Variants in PHIP observed in about 807,000 individuals in gnomAD.
PHIP encodes the protein PH-interacting protein.
Under a neutral mutation model 236.8 loss-of-function variants are expected in PHIP, and 54 were observed. The ratio of observed to expected loss-of-function variants is 0.23; its 90% CI spans 0.18 to 0.29. The LOEUF is 0.29. Ranked by LOEUF, PHIP falls within the 10% of genes least tolerant of loss-of-function variation. The pLI is 1.00. For synonymous variants in PHIP, 756 were observed against 718.9 expected, an observed-to-expected ratio of 1.05 and a Z score of -0.83; for missense variants, 1,370 against 2,190.8, an observed-to-expected ratio of 0.63 and a Z score of 7.48.
chr6:78,947,851 G>A, intron 35 of PHIP, 76 bp from the exon 36 acceptor site: 1 of 952,422 alleles, frequency 1.0e-6, no homozygotes, highest in African/African-American at 1.7e-5. Flanking sequence ...GATTCGCACA[G>A]GATTTTTATG....
At position 78,936,622 on chromosome 6, in the gene PHIP, A is replaced by G. The variant is rs1773279738; in HGVS notation, c.*4071T>C. On this transcript the variant is annotated 3_prime_UTR_variant, in exon 40 of 40. Transcript: ENST00000275034. ...CCTGATAATTTTTATCTGCATTAAAAAAGTATTTCAACACAGAGCTATCAA... is the reference window on the plus strand; with the variant it reads ...CCTGATAATTTTTATCTGCATTAAAGAAGTATTTCAACACAGAGCTATCAA... 1 of 151,900 alleles carries G rather than the reference A, an allele frequency of 6.6e-6. No individual in the cohort carries two copies. Among genetic ancestry groups the G allele is most frequent in the Non-Finnish European group, 1.5e-5 (1 of 67,782 alleles). The allele number at this position is 151,900 out of a possible 1,614,324, so 9.4% of individuals were successfully genotyped here.
At chr6:79,039,183 T>C (rs1370877537) in intron 7 of PHIP, among the ~76,000 whole-genome samples, 1 of 152,204 alleles carries the variant, frequency 6.6e-6, no homozygotes, top group African/African-American at 2.4e-5. Context: ...TAGCTCTCCA[T>C]TGCCTTCAGA....
In PHIP at chr6:79,077,478, C is replaced by T; in HGVS notation, c.159G>A (p.Gly53=). The T allele has an allele frequency of 6.4e-7, 1 of 1,573,766 alleles. No homozygotes were observed. Among genetic ancestry groups the T allele is most frequent in the Admixed American group, 1.8e-5 (1 of 56,186 alleles). The change falls in exon 4 of 40, where the codon GGG becomes GGA. Residue 53 remains glycine (G), a synonymous_variant. Transcript: ENST00000275034. The stretch of plus-strand genomic sequence containing the variant: ...TCTGGTAGGTCCTGGGATGCTCCTT[C>T]CCGGTCCAGTCGGTGCGCCGGGGCA... ...ELLPRRTDWT[G]KEHPRTYQNL... is the part of the protein sequence containing the mutation.
chr6:79,054,288 A>G (rs1273623659), intron 6 of PHIP, among the ~76,000 whole-genome samples: 1 of 151,550 alleles, frequency 6.6e-6, no homozygotes, highest in Non-Finnish European at 1.5e-5. Context: ...GGAAAACACT[A>G]AAAAACAAAG....
At chr6:78,970,653 T>C in intron 25 of PHIP, 128 bp downstream of exon 25, 2 of 636,770 alleles carry the variant, frequency 3.1e-6, no homozygotes, top group South Asian at 2.1e-5. Context: ...TCTCTAGGAC[T>C]GCTTCAATTA....
chr6:78,999,366 T>C (rs1463023009), intron 17 of PHIP, among the ~76,000 whole-genome samples: 1 of 152,176 alleles, frequency 6.6e-6, no homozygotes, highest in East Asian at 1.9e-4. Flanking sequence ...ATTTCCTCTG[T>C]GAAATCTTTC....
In PHIP at chr6:78,983,026, C is replaced by T. The variant is rs1461715130; in HGVS notation, c.2629G>A (p.Ala877Thr). 6.2e-7 allele frequency: 1 copy of T among 1,611,854 alleles called. No individual in the cohort carries two copies. The highest frequency in any genetic ancestry group is 8.5e-7 in the Non-Finnish European group (1 of 1,178,946). ...TCTTCTTCATCTGAACTGCTTTCTG[C>T]TTTCTTGGTTTTATTCTTAGGAACT... ...KKVPKNKTKK[A>T]ESSSDEEEES... is the part of the protein sequence containing the mutation. The change falls in exon 23 of 40, where the codon GCA (alanine) becomes ACA (threonine). Residue 877 changes from alanine to threonine, a missense_variant. Ala to Thr is a moderately conservative substitution (Grantham distance 58). Around this residue, in one of 14 missense-constraint regions of PHIP, gnomAD observed 76 missense variants for 76.4 expected, o/e 0.99. Coordinates refer to ENST00000275034, the MANE Select transcript of PHIP (RefSeq NM_017934.7).
chr6:78,953,269 T>C (rs1766176389), intron 35 of PHIP, among the ~76,000 whole-genome samples: 1 of 152,114 alleles, frequency 6.6e-6, no homozygotes, highest in Non-Finnish European at 1.5e-5. Flanking sequence ...ATATTTCTGG[T>C]TTAGGGTTGG....
chr6:78,952,905 G>A (rs1766143216), intron 35 of PHIP, among the ~76,000 whole-genome samples: 1 of 150,914 alleles, frequency 6.6e-6, no homozygotes, highest in South Asian at 2.1e-4. Flanking sequence ...TACAAGGAAT[G>A]TCATCTCTCT....
At chr6:78,944,311 T>C (rs1052137135) in intron 39 of PHIP, among the ~76,000 whole-genome samples, 3 of 152,236 alleles carry the variant, frequency 2.0e-5, no homozygotes, top group Admixed American at 2.0e-4. Flanking sequence ...GGCAAGGAAG[T>C]GTTTTCTCTG....
chr6:79,052,217 A>C (rs1772830445), intron 6 of PHIP, among the ~76,000 whole-genome samples: 1 of 152,220 alleles, frequency 6.6e-6, no homozygotes, highest in African/African-American at 2.4e-5. Context: ...CTTCTCTGAA[A>C]AACTGACATT....
intron 17 of PHIP, among the ~76,000 whole-genome samples, chr6:78,998,665 G>C (rs1232677805): frequency 3.9e-5 from 6 of 151,980 alleles, no homozygotes; most frequent in African/African-American, 7.3e-5. Flanking sequence ...AACTCCATTA[G>C]GTATGTATAA....
At chr6:79,035,910 A>C (rs1004465978) in intron 7 of PHIP, among the ~76,000 whole-genome samples, 13 of 151,690 alleles carry the variant, frequency 8.6e-5, no homozygotes, top group African/African-American at 2.9e-4. Flanking sequence ...ACATTTCAAC[A>C]CATGTCTGAT....
At chr6:78,985,304 TC>T (rs1768794528) in intron 22 of PHIP, 47 bp downstream of exon 22, 1 of 1,048,404 alleles carries the variant, frequency 9.5e-7, no homozygotes, top group Admixed American at 1.9e-5. Context: ...AAAACACCTT[TC>T]TAAAGACTTT....
Position 78,936,549 on chromosome 6 carries a change from A to T in PHIP, c.*4144T>A, listed in dbSNP as rs935130012. On this transcript the variant is annotated 3_prime_UTR_variant, in exon 40 of 40. Transcript: ENST00000275034. The stretch of plus-strand genomic sequence containing the variant: ...ATTTTCTTGGCTCCTTGAATTGTAG[A>T]AACTCAGCCATGCACTAAGTATTTG... The T allele has an allele frequency of 6.6e-6, 1 of 151,872 alleles. No individual in the cohort carries two copies. Among genetic ancestry groups the T allele is most frequent in the Non-Finnish European group, 1.5e-5 (1 of 67,786 alleles). The allele number at this position is 151,872 out of a possible 1,614,324, so 9.4% of individuals were successfully genotyped here. A position where few individuals can be genotyped will look rare whatever the true frequency, so the allele number is the denominator to read the frequency against.
In PHIP at chr6:78,935,100, T is replaced by C. The variant is rs1195784667; in HGVS notation, c.*5593A>G. ...AATTGGTATTATTACAAAAGAGAAA[T>C]AAGTAAAGAGTGGTTGCTGAAAGGT... On this transcript the variant is annotated 3_prime_UTR_variant, in exon 40 of 40. Transcript: ENST00000275034. Among the ~76,000 whole-genome samples, 2 of 152,128 alleles carry C rather than the reference T, an allele frequency of 1.3e-5. No individual in the cohort carries two copies. The highest frequency in any genetic ancestry group is 2.9e-5 in the Non-Finnish European group (2 of 67,998).
chr6:79,069,481 C>T (rs1773786501), intron 4 of PHIP, among the ~76,000 whole-genome samples: 1 of 151,944 alleles, frequency 6.6e-6, no homozygotes, highest in South Asian at 2.1e-4. Context: ...TAACTACTCT[C>T]CCTATTTCAT....
chr6:78,961,304 ATATAT>A (rs1207777228), intron 31 of PHIP, among the ~76,000 whole-genome samples: 50 of 152,026 alleles, frequency 3.3e-4, no homozygotes, highest in Middle Eastern at 3.4e-3. Context: ...AATTTTTATT[ATATAT>A]TATATTAAAA....
At position 78,946,729 on chromosome 6, in the gene PHIP, GA is replaced by G; in HGVS notation, c.4351del (p.Ser1451ProfsTer15). ...RKKRNRSSSV[S>X]SSAASSPERK... Reference sequence around the variant, plus strand: ...TAAATACCTTGATGCAGCACTACTGGAAACAGAGCTGCTTCTGTTTCTTTTC... The same window carrying G: ...TAAATACCTTGATGCAGCACTACTGGAACAGAGCTGCTTCTGTTTCTTTTC... On this transcript the variant is annotated frameshift_variant, in exon 37 of 40. Coordinates refer to ENST00000275034, the MANE Select transcript of PHIP (RefSeq NM_017934.7). LOFTEE classifies it high-confidence loss of function. The G allele has an allele frequency of 6.3e-7, 1 of 1,576,940 alleles. No homozygotes were observed. Among genetic ancestry groups the G allele is most frequent in the Non-Finnish European group, 8.6e-7 (1 of 1,168,166 alleles).
Sources: allele counts gnomAD v4.1 joint callset (sites outside exome capture counted in the v4.1 genomes callset), GRCh38; gene constraint gnomAD v4.1.1; regional missense constraint gnomAD v4.1.1; transcripts MANE v1.5; gene names NCBI Gene and HGNC (gene_info 2026-07-23, HGNC 2026-07-21).